The following TXLNG variants were observed in gnomAD, a reference collection of about 807,000 sequenced individuals.
TXLNG encodes taxilin gamma.
A neutral mutation model predicts 38.8 loss-of-function variants in TXLNG; 5 were observed. The observed-to-expected ratio is 0.13, with a 90% CI of 0.07 to 0.27. TXLNG has a LOEUF of 0.27. TXLNG is among the 10% of genes least tolerant of loss of function. TXLNG has a pLI of 1.00. For synonymous variants in TXLNG, 182 were observed against 158.2 expected, an observed-to-expected ratio of 1.15 and a Z score of -1.13; for missense variants, 393 against 398.2, an observed-to-expected ratio of 0.99 and a Z score of 0.11.
rs1434998133 is a variant in TXLNG at position 16,842,684 on chromosome X, C to T, written c.*918C>T. The T allele has an allele frequency of 8.9e-6, 1 of 112,384 alleles. No homozygotes were observed. Among genetic ancestry groups the T allele is most frequent in the Non-Finnish European group, 1.9e-5 (1 of 53,300 alleles). 9.3% of individuals were successfully genotyped at this position (112,384 alleles called of 1,213,427 possible). A position where few individuals can be genotyped will look rare whatever the true frequency, so the allele number is the denominator to read the frequency against. ...CAGAAGTTTCTCCAATACCTTCTGG[C>T]TACTTGAAAGTTACTACAAAAATTC... is the stretch of plus-strand genomic sequence containing the variant. On this transcript the variant is annotated 3_prime_UTR_variant, in exon 10 of 10. Coordinates refer to ENST00000380122, the MANE Select transcript of TXLNG (RefSeq NM_018360.3).
At chrX:16,834,646 CAGT>C (rs1032840409) in intron 7 of TXLNG, among the ~76,000 whole-genome samples, 2 of 111,777 alleles carry the variant, frequency 1.8e-5, no homozygotes, top group African/African-American at 6.5e-5. Context: ...AACCTGTCTT[CAGT>C]GACCCTTTCT....
At chrX:16,840,059 T>G in intron 9 of TXLNG, 143 bp downstream of exon 9, 1 of 428,123 alleles carries the variant, frequency 2.3e-6, no homozygotes, top group Non-Finnish European at 3.9e-6. Flanking sequence ...GGGGTGGGGA[T>G]GAGTTGCTGG....
intron 1 of TXLNG, among the ~76,000 whole-genome samples, chrX:16,814,883 T>C (rs1928673299): frequency 8.9e-6 from 1 of 112,175 alleles, no homozygotes; most frequent in Non-Finnish European, 1.9e-5. Flanking sequence ...TAGGGAATTG[T>C]ATGGTATGTG....
intron 1 of TXLNG, among the ~76,000 whole-genome samples, chrX:16,791,328 T>C (rs772499967): frequency 8.2e-4 from 89 of 107,951 alleles, no homozygotes; most frequent in Middle Eastern, 4.9e-3. Context: ...ATTTGCCAAC[T>C]TGATGAACTT....
At position 16,804,779 on chromosome X, in the gene TXLNG, C is replaced by T. The variant is rs536863723; in HGVS notation, c.103-13795C>T. Among the ~76,000 whole-genome samples the T allele has an allele frequency of 9.2e-5, 10 of 108,890 alleles. No homozygotes were observed. The South Asian group carries it at 3.5e-3, about 39-fold the overall frequency. The allele number at this position is 108,890 out of a possible 115,157, so 94.6% of individuals were successfully genotyped here. A position where few individuals can be genotyped will look rare whatever the true frequency, so the allele number is the denominator to read the frequency against. On this transcript the variant is annotated intron_variant, in intron 1 of 9. Coordinates refer to ENST00000380122, the MANE Select transcript of TXLNG (RefSeq NM_018360.3). ...TTGTAGATTTAAGGGGTACAAGTTT[C>T]GTTACATGGATACATTATGTAGCGG...
chrX:16,841,448 G>C lies in TXLNG; in HGVS notation c.1269G>C (p.Glu423Asp), dbSNP rs186498536. The C allele has an allele frequency of 8.5e-5, 103 of 1,208,440 alleles. No individual in the cohort carries two copies. The highest frequency in any genetic ancestry group is 1.5e-4 in the Admixed American group (7 of 45,530). The change falls in exon 10 of 10, where the codon GAG (glutamate) becomes GAC (aspartate). Residue 423 changes from glutamate to aspartate, a missense_variant. Physicochemically the swap from Glu to Asp is conservative, Grantham distance 45. Coordinates refer to ENST00000380122, the MANE Select transcript of TXLNG (RefSeq NM_018360.3). ...MAEEKTVRDKEYKALQIKLER... is the reference protein window; with the variant it reads ...MAEEKTVRDKDYKALQIKLER... ...TACAGAAAACAGTCCGTGATAAAGAGTACAAGGCCCTTCAAATAAAACTGG... is the reference window on the plus strand; with the variant it reads ...TACAGAAAACAGTCCGTGATAAAGACTACAAGGCCCTTCAAATAAAACTGG...
intron 6 of TXLNG, among the ~76,000 whole-genome samples, chrX:16,833,629 A>G (rs1198804736): frequency 9.0e-6 from 1 of 111,155 alleles, no homozygotes; most frequent in African/African-American, 3.3e-5. Flanking sequence ...TTTTATACAC[A>G]CACACACACA....
intron 3 of TXLNG, among the ~76,000 whole-genome samples, chrX:16,826,073 GATGAA>G (rs1929154467): frequency 9.0e-6 from 1 of 111,521 alleles, no homozygotes; most frequent in Non-Finnish European, 1.9e-5. Flanking sequence ...AGTGCACACA[GATGAA>G]ATGAAATTAT....
chrX:16,811,442 C>G (rs927599948), intron 1 of TXLNG, among the ~76,000 whole-genome samples: 1 of 110,831 alleles, frequency 9.0e-6, no homozygotes, highest in Non-Finnish European at 1.9e-5. Flanking sequence ...CTGCAACTTC[C>G]GCCTCCCAGG....
chrX:16,832,584 C>G, intron 5 of TXLNG, 39 bp from the exon 6 acceptor site: 3 of 1,209,668 alleles, frequency 2.5e-6, no homozygotes, highest in Non-Finnish European at 2.2e-6. Flanking sequence ...GTGTTCCTTT[C>G]TTTGGTGAGT....
At chrX:16,787,014 C>A (rs1927514483) in intron 1 of TXLNG, among the ~76,000 whole-genome samples, 1 of 112,924 alleles carries the variant, frequency 8.9e-6, no homozygotes, top group Non-Finnish European at 1.9e-5. Context: ...GTCGTGGGCT[C>A]GCCCTCCTGG....
chrX:16,818,775 A>G lies in TXLNG; in HGVS notation c.304A>G (p.Thr102Ala). The stretch of plus-strand genomic sequence containing the variant: ...GAATTTGGTGAGCCCAGCATACTGC[A>G]CGCAAGAATCAAGAGAGGAAATCCC... ...NRNLVSPAYC[T>A]QESREEIPGG... The change falls in exon 2 of 10, where the codon ACG becomes GCG. Residue 102 changes from threonine (T) to alanine (A), a missense_variant. Thr to Ala is a moderately conservative substitution (Grantham distance 58, BLOSUM62 0). Coordinates refer to ENST00000380122, the MANE Select transcript of TXLNG (RefSeq NM_018360.3). 8.2e-7 allele frequency: 1 copy of G among 1,212,321 alleles called. No homozygotes were observed. The highest frequency in any genetic ancestry group is 1.1e-6 in the Non-Finnish European group (1 of 895,624).
At chrX:16,795,049 A>G (rs1357863809) in intron 1 of TXLNG, among the ~76,000 whole-genome samples, 1 of 111,039 alleles carries the variant, frequency 9.0e-6, no homozygotes, top group Non-Finnish European at 1.9e-5. Flanking sequence ...AGGCAGAGGC[A>G]GGCGGATCAC....
chrX:16,793,194 G>A (rs1373031353), intron 1 of TXLNG, among the ~76,000 whole-genome samples: 1 of 110,982 alleles, frequency 9.0e-6, no homozygotes, highest in African/African-American at 3.3e-5. Flanking sequence ...AAATAGGTAA[G>A]GTGACCTTTA....
intron 1 of TXLNG, among the ~76,000 whole-genome samples, chrX:16,787,001 G>A (rs1218367925): frequency 8.8e-6 from 1 of 113,167 alleles, no homozygotes; most frequent in Non-Finnish European, 1.9e-5. Flanking sequence ...GGGGCTCGCT[G>A]GGGTCGTGGG....
chrX:16,838,900 TC>T (rs1929696987), intron 8 of TXLNG, among the ~76,000 whole-genome samples: 1 of 111,839 alleles, frequency 8.9e-6, no homozygotes, highest in Non-Finnish European at 1.9e-5. Context: ...ACCTAGGTCT[TC>T]CACCAGCTCT....
chrX:16,838,319 G>A (rs1045848203), intron 8 of TXLNG, among the ~76,000 whole-genome samples: 11 of 111,836 alleles, frequency 9.8e-5, no homozygotes, highest in Non-Finnish European at 2.1e-4. Flanking sequence ...AAAAATGGGG[G>A]ATTTAAAAAC....
intron 1 of TXLNG, among the ~76,000 whole-genome samples, chrX:16,787,813 C>G (rs1367858918): frequency 8.9e-6 from 1 of 112,073 alleles, no homozygotes; most frequent in Non-Finnish European, 1.9e-5. Context: ...ACACTCTTAA[C>G]TCCTGTATGA....
chrX:16,796,719 G>T (rs888296716), intron 1 of TXLNG, among the ~76,000 whole-genome samples: 1 of 111,039 alleles, frequency 9.0e-6, no homozygotes, highest in East Asian at 2.8e-4. Context: ...CCTGGTCCCA[G>T]GGCGTATTCC....
Sources: allele counts gnomAD v4.1 joint callset (sites outside exome capture counted in the v4.1 genomes callset), GRCh38; gene constraint gnomAD v4.1.1; transcripts MANE v1.5; gene names NCBI Gene and HGNC (gene_info 2026-07-23, HGNC 2026-07-21).